LIMCH1: variants seen among roughly 807,000 people sequenced by gnomAD.
The protein encoded by LIMCH1 is LIM and calponin homology domains 1.
Under a neutral mutation model 176.5 loss-of-function variants are expected in LIMCH1, and 113 were observed. The observed-to-expected ratio is 0.64, with a 90% confidence interval of 0.55 to 0.75. The LOEUF is 0.75. Among genes scored for constraint, LIMCH1 ranks in the 30% least tolerant of loss-of-function variants. The pLI, the probability that LIMCH1 is intolerant of heterozygous loss-of-function variation, is 0.00. For missense variants in LIMCH1, 1,674 were observed against 1,814.9 expected (o/e 0.92, Z 1.41); for synonymous variants, 619 against 645.9 (o/e 0.96, Z 0.63).
At chr4:41,634,099 G>A (rs369713641) in intron 13 of LIMCH1, among the ~76,000 whole-genome samples, 8 of 152,216 alleles carry the variant, frequency 5.3e-5, no homozygotes, top group African/African-American at 1.2e-4. Context: ...GGGCAAAGGG[G>A]TTGAACTTCT....
At position 41,510,593 on chromosome 4, in the gene LIMCH1, A is replaced by AT. The variant is rs769039399; in HGVS notation, c.168-13804dup. On this transcript the variant is annotated intron_variant, in intron 2 of 26. Coordinates refer to the LIMCH1 transcript ENST00000313860. ...CTACTAAGGACCCAGTTTATAAATG[A>AT]TTTTTTTTTTTTGAGATGGAGTTTC... 8.9e-4 allele frequency among the ~76,000 whole-genome samples: 130 copies of AT among 146,568 alleles called. 1 individual carries two copies. Among genetic ancestry groups the AT allele is most frequent in the African/African-American group, 1.7e-3 (68 of 40,136 alleles).
chr4:41,369,310 A>G (rs970794191), intron 1 of LIMCH1, among the ~76,000 whole-genome samples: 3 of 151,984 alleles, frequency 2.0e-5, no homozygotes, highest in Non-Finnish European at 2.9e-5. Context: ...CTTCTGGGAA[A>G]CCCTTTCTGA....
chr4:41,427,360 G>A (rs574198402), intron 1 of LIMCH1, among the ~76,000 whole-genome samples: 1 of 152,160 alleles, frequency 6.6e-6, no homozygotes, highest in African/African-American at 2.4e-5. Context: ...AGCTTCCTTT[G>A]CCAAGCTCAC....
intron 31 of LIMCH1, chr4:41,692,608 G>A: frequency 2.3e-6 from 1 of 440,564 alleles, no homozygotes; most frequent in Non-Finnish European, 4.1e-6. Flanking sequence ...AAGTGCATCA[G>A]CACACCAGCA....
chr4:41,429,948 C>T (rs1215158819), intron 1 of LIMCH1, among the ~76,000 whole-genome samples: 3 of 152,174 alleles, frequency 2.0e-5, no homozygotes, highest in Admixed American at 2.0e-4. Context: ...TGCTCATATT[C>T]ATTGGCCAGT....
chr4:41,414,840 G>A (rs1287763061), intron 1 of LIMCH1, among the ~76,000 whole-genome samples: 1 of 152,174 alleles, frequency 6.6e-6, no homozygotes, highest in East Asian at 1.9e-4. Context: ...TACACGTATT[G>A]TGGTCACAAT....
At chr4:41,646,976 C>A in intron 17 of LIMCH1, 83 bp downstream of exon 17, 1 of 1,286,662 alleles carries the variant, frequency 7.8e-7, no homozygotes, top group Non-Finnish European at 1.1e-6. Flanking sequence ...AAGAAAATGT[C>A]ATTCTTTTTA....
upstream of LIMCH1, among the ~76,000 whole-genome samples, chr4:41,535,096 A>C (rs2077733677): frequency 6.6e-6 from 1 of 150,410 alleles, no homozygotes; most frequent in African/African-American, 2.5e-5. Context: ...TGGGAAGTCA[A>C]GCCTGCAGTG....
Position 41,685,674 on chromosome 4 carries a change from C to T in LIMCH1, c.3968-36C>T, listed in dbSNP as rs775632678. 6.2e-6 allele frequency: 10 copies of T among 1,610,688 alleles called. No individual in the cohort carries two copies. In the South Asian group the frequency reaches 1.1e-4, roughly 18 times the overall value. Reference sequence around the variant, plus strand: ...CTTCCTAGGTAGTAAGGTGATTTTACTGTGCACTACATTTATGTTCTTTAA... The same window carrying T: ...CTTCCTAGGTAGTAAGGTGATTTTATTGTGCACTACATTTATGTTCTTTAA... On this transcript the variant is annotated intron_variant, in intron 27 of 31. Coordinates refer to ENST00000503057, the MANE Select transcript of LIMCH1 (RefSeq NM_001330672.2).
chr4:41,416,882 A>C (rs2059985727), intron 1 of LIMCH1, among the ~76,000 whole-genome samples: 1 of 152,170 alleles, frequency 6.6e-6, no homozygotes, highest in South Asian at 2.1e-4. Context: ...CTCAGAAAGA[A>C]ATAGGGACTT....
At chr4:41,403,622 T>C (rs2058687207) in intron 1 of LIMCH1, among the ~76,000 whole-genome samples, 1 of 152,130 alleles carries the variant, frequency 6.6e-6, no homozygotes, top group Non-Finnish European at 1.5e-5. Flanking sequence ...GACCCATCAG[T>C]GTTTTGTGTT....
intron 1 of LIMCH1, among the ~76,000 whole-genome samples, chr4:41,487,656 T>C (rs1366018023): frequency 5.4e-5 from 5 of 91,870 alleles, no homozygotes; most frequent in Non-Finnish European, 1.1e-4. Context: ...TTATATTCTT[T>C]TTTTTTTTTT....
chr4:41,680,449 T>C (rs1714800787), intron 24 of LIMCH1, among the ~76,000 whole-genome samples: 1 of 152,220 alleles, frequency 6.6e-6, no homozygotes, highest in Non-Finnish European at 1.5e-5. Context: ...AGTGAATTAA[T>C]TTTATGAGGA....
chr4:41,530,782 C>G (rs567617823), intron 3 of LIMCH1, among the ~76,000 whole-genome samples: 1 of 110,544 alleles, frequency 9.0e-6, no homozygotes, highest in Non-Finnish European at 1.7e-5. Context: ...GCTACAAGAG[C>G]GAAACCCCGC....
intron 2 of LIMCH1, among the ~76,000 whole-genome samples, chr4:41,507,871 C>T (rs1429663814): frequency 2.6e-4 from 26 of 100,364 alleles, no homozygotes; most frequent in Admixed American, 6.2e-4. Flanking sequence ...GGGAGGGGGG[C>T]GGGCAGCTGA....
chr4:41,415,703 C>T (rs2059860005), intron 1 of LIMCH1, among the ~76,000 whole-genome samples: 2 of 152,102 alleles, frequency 1.3e-5, no homozygotes, highest in Admixed American at 6.5e-5. Context: ...GGGAACACAG[C>T]GCGGTGGCTC....
chr4:41,678,768 C>CTCTCTGCA (rs139481755), intron 23 of LIMCH1, among the ~76,000 whole-genome samples: 1 of 151,936 alleles, frequency 6.6e-6, no homozygotes, highest in Non-Finnish European at 1.5e-5. Context: ...GCATCTTTCA[C>CTCTCTGCA]TCTCTGCATC....
chr4:41,525,486 G>T (rs1314731867), intron 3 of LIMCH1, among the ~76,000 whole-genome samples: 1 of 152,132 alleles, frequency 6.6e-6, no homozygotes, highest in Non-Finnish European at 1.5e-5. Context: ...GAATTGTGGG[G>T]GGTCCTTGTG....
chr4:41,676,549 T>C (rs2304650), intron 23 of LIMCH1, 87 bp downstream of exon 23: 95,070 of 948,054 alleles, frequency 0.1, 5,354 homozygotes, highest in South Asian at 0.15. Context: ...GCACAGGAAA[T>C]GAATGGAATC....
Sources: allele counts gnomAD v4.1 joint callset (sites outside exome capture counted in the v4.1 genomes callset), GRCh38; gene constraint gnomAD v4.1.1; transcripts MANE v1.5; gene names NCBI Gene and HGNC (gene_info 2026-07-23, HGNC 2026-07-21).